The following GRB7 variants were observed in gnomAD, a reference collection of about 807,000 sequenced individuals.
The protein encoded by GRB7 is growth factor receptor bound protein 7.
In GRB7, 47 loss-of-function variants were observed where a neutral mutation model predicts 64.1. That is an observed-to-expected ratio of 0.73 (90% CI 0.58 to 0.94). GRB7 has a LOEUF of 0.94. Among genes scored for constraint, GRB7 ranks in the 40% least tolerant of loss-of-function variants. The probability of loss-of-function intolerance (pLI) is 0.00; values close to 1 mark genes in which losing one functional copy is unlikely to be tolerated. For missense variants in GRB7, 634 were observed against 718.4 expected, an observed-to-expected ratio of 0.88 and a Z score of 1.34; for synonymous variants, 277 against 279.9, an observed-to-expected ratio of 0.99 and a Z score of 0.10.
At chr17:39,743,643 T>C (rs1159521343) in intron 6 of GRB7, 173 bp downstream of exon 6, 1 of 630,324 alleles carries the variant, frequency 1.6e-6, no homozygotes, top group East Asian at 2.7e-5. Flanking sequence ...TTCTATTAAA[T>C]GGGGGCGAGA....
At chr17:39,745,694 C>T (rs547487398) in intron 11 of GRB7, 34 bp from the exon 12 acceptor site, 1 of 1,610,096 alleles carries the variant, frequency 6.2e-7, no homozygotes, top group Admixed American at 1.7e-5. Flanking sequence ...CCCAAGCACG[C>T]CCCGACTCTC....
rs1269623679 is a variant in GRB7 at position 39,742,321 on chromosome 17, C to T, written c.20C>T (p.Pro7Leu). 1 of 1,614,110 alleles carries T rather than the reference C, an allele frequency of 6.2e-7. No individual in the cohort carries two copies. Among genetic ancestry groups the T allele is most frequent in the Admixed American group, 1.7e-5 (1 of 60,024 alleles). ...GACGCCATGGAGCTGGATCTGTCTC[C>T]ACCTCATCTTAGCAGCTCTCCGGAA... The part of the protein sequence containing the change: MELDLS[P>L]PHLSSSPEDL... Residue 7 changes from proline to leucine, a missense_variant, in exon 2 of 15, where the codon CCA becomes CTA. By Grantham distance (98) the Pro-to-Leu change is moderately conservative. Transcript: ENST00000309156.
chr17:39,744,019 G>A (rs778831285), intron 6 of GRB7, 51 bp from the exon 7 acceptor site: 3 of 1,598,094 alleles, frequency 1.9e-6, no homozygotes, highest in South Asian at 1.1e-5. Flanking sequence ...GTGGTAGAGG[G>A]GAAGGGAGGA....
At chr17:39,741,974 CAAAAA>C (rs34685689) in intron 1 of GRB7, among the ~76,000 whole-genome samples, 4 of 108,012 alleles carry the variant, frequency 3.7e-5, no homozygotes, top group Admixed American at 1.0e-4. Flanking sequence ...GACGCCGCTG[CAAAAA>C]AAAAAAAAAA....
chr17:39,739,219 C>T (rs2059975579), intron 1 of GRB7, among the ~76,000 whole-genome samples: 1 of 149,018 alleles, frequency 6.7e-6, no homozygotes, highest in East Asian at 2.0e-4. Flanking sequence ...GTCTTGGACT[C>T]TGCTCTCCCC....
At chr17:39,742,196 A>C (rs1597903701) in intron 1 of GRB7, 56 bp from the exon 2 acceptor site, 5 of 1,277,026 alleles carry the variant, frequency 3.9e-6, no homozygotes, top group Non-Finnish European at 5.7e-6. Context: ...TCTGAGGGGC[A>C]CCCTAACCGC....
rs575248938 is a variant in GRB7, at chr17:39,747,122, C to T, written c.*225C>T. ...CCTCAAGGGAAGGCCTTGGGTGGCCCCCTCTCCTTCTCCTAGCTCTGGAGG... is the reference window on the plus strand; with the variant it reads ...CCTCAAGGGAAGGCCTTGGGTGGCCTCCTCTCCTTCTCCTAGCTCTGGAGG... On this transcript the variant is annotated 3_prime_UTR_variant, in exon 15 of 15. Transcript: ENST00000309156. 5.1e-4 allele frequency: 285 copies of T among 556,246 alleles called. 1 individual carries two copies. Among genetic ancestry groups the T allele is most frequent in the African/African-American group, 5.0e-3 (264 of 52,554 alleles). The allele number at this position is 556,246 out of a possible 1,614,324, so 34.5% of individuals were successfully genotyped here.
In GRB7 at chr17:39,741,987, A is replaced by AAT. The variant is rs2059998244; in HGVS notation, c.-50-264_-50-263insTA. Among the ~76,000 whole-genome samples, 2 of 150,592 alleles carry AAT rather than the reference A, an allele frequency of 1.3e-5. 1 individual carries two copies. Among genetic ancestry groups the AAT allele is most frequent in the South Asian group, 4.2e-4 (2 of 4,748 alleles). On this transcript the variant is annotated intron_variant, in intron 1 of 14. Transcript: ENST00000309156. ...ATGACGCCGCTGCAAAAAAAAAAAA[A>AAT]AAAAAGGAGAAAAAAAACAGAAAGA... is the stretch of plus-strand genomic sequence containing the variant.
At chr17:39,746,024 G>C in intron 13 of GRB7, 24 bp downstream of exon 13, 3 of 1,613,668 alleles carry the variant, frequency 1.9e-6, no homozygotes, top group Non-Finnish European at 2.5e-6. Context: ...CCGGGCAACA[G>C]ACCCAGGGAT....
In GRB7 at chr17:39,744,634, ATGCCCACTGACTTCGGT is replaced by A; in HGVS notation, c.885_901del (p.Met295IlefsTer21). The A allele has an allele frequency of 6.2e-7, 1 of 1,609,664 alleles. No homozygotes were observed. The highest frequency in any genetic ancestry group is 8.5e-7 in the Non-Finnish European group (1 of 1,178,026). ...GACGCAGGGCCGCAAGCTCTACGGG[ATGCCCACTGACTTCGGT>A]TTCTGTGTCAAGGTGAAGACCTGGC... is the stretch of plus-strand genomic sequence containing the variant. On this transcript the variant is annotated frameshift_variant, in exon 8 of 15. Coordinates refer to ENST00000309156, the MANE Select transcript of GRB7 (RefSeq NM_005310.5). LOFTEE classifies it high-confidence loss of function.
chr17:39,739,488 T>C (rs1339510698), intron 1 of GRB7, among the ~76,000 whole-genome samples: 1 of 152,108 alleles, frequency 6.6e-6, no homozygotes, highest in African/African-American at 2.4e-5. Context: ...TATAAGCCTC[T>C]CCCGTGGGGG....
At chr17:39,740,175 T>A in intron 1 of GRB7, 2 of 985,482 alleles carry the variant, frequency 2.0e-6, no homozygotes, top group African/African-American at 3.5e-5. Context: ...ACCGGGGCTG[T>A]TTGGAGGTTA....
In GRB7 at chr17:39,743,057, A is replaced by G. The variant is rs1365875318; in HGVS notation, c.463+3A>G. 1.5e-5 allele frequency: 24 copies of G among 1,601,906 alleles called. No individual in the cohort carries two copies. Among genetic ancestry groups the G allele is most frequent in the Admixed American group, 3.4e-5 (2 of 59,382 alleles). ...GTGCCACCCCCACCTAGCACTGGGT[A>G]AGTCAGGTGCATGGAACTATCCGGG... On this transcript the variant is annotated splice_donor_region_variant and intron_variant, in intron 4 of 14. Transcript: ENST00000309156.
At chr17:39,743,695 C>A in intron 6 of GRB7, 1 of 599,884 alleles carries the variant, frequency 1.7e-6, no homozygotes, top group Non-Finnish European at 3.0e-6. Context: ...TGAGGGTGGG[C>A]TGGGCACGGT....
rs747648942 is a variant in GRB7 at position 39,745,288 on chromosome 17, CA to C, written c.1058del (p.His353LeufsTer12). On this transcript the variant is annotated frameshift_variant, in exon 10 of 15. Coordinates refer to ENST00000309156, the MANE Select transcript of GRB7 (RefSeq NM_005310.5). LOFTEE classifies it high-confidence loss of function. ...GAATTACCAGCAGGCACAGTCTCGCCATCTGCATCCATCTTGTTTGGGCTCC... is the reference window on the plus strand; with the variant it reads ...GAATTACCAGCAGGCACAGTCTCGCCTCTGCATCCATCTTGTTTGGGCTCC... Reference protein sequence around the residue: ...YKNYQQAQSRHLHPSCLGSPP... With the variant: ...YKNYQQAQSRXLHPSCLGSPP... 6.2e-7 allele frequency: 1 copy of C among 1,608,132 alleles called. No individual in the cohort carries two copies. The highest frequency in any genetic ancestry group is 8.5e-7 in the Non-Finnish European group (1 of 1,176,332).
intron 7 of GRB7, 99 bp from the exon 8 acceptor site, chr17:39,744,454 C>A: frequency 1.0e-6 from 1 of 994,118 alleles, no homozygotes; most frequent in Non-Finnish European, 1.5e-6. Flanking sequence ...TATTCCCCTG[C>A]CCCTCTCTGG....
Position 39,744,612 on chromosome 17 carries a change from G to A in GRB7, c.861G>A (p.Thr287=), listed in dbSNP as rs755794524. The A allele has an allele frequency of 1.4e-5, 22 of 1,611,716 alleles. No individual in the cohort carries two copies. Among genetic ancestry groups the A allele is most frequent in the African/African-American group, 6.7e-5 (5 of 74,828 alleles). Residue 287 remains threonine, a synonymous_variant, in exon 8 of 15, where the codon ACG becomes ACA. Coordinates refer to ENST00000309156, the MANE Select transcript of GRB7 (RefSeq NM_005310.5). ...DVNESNVYVV[T]QGRKLYGMPT... ...ACGAGTCCAACGTGTACGTGGTGAC[G>A]CAGGGCCGCAAGCTCTACGGGATGC...
At chr17:39,743,111 T>TA (rs1479600278) in intron 4 of GRB7, 57 bp downstream of exon 4, 6 of 1,601,222 alleles carry the variant, frequency 3.7e-6, no homozygotes, top group Non-Finnish European at 4.3e-6. Context: ...CATCTTGGGC[T>TA]AGGCATGTGG....
intron 14 of GRB7, 98 bp from the exon 15 acceptor site, chr17:39,746,652 AG>A: frequency 7.4e-7 from 1 of 1,351,792 alleles, no homozygotes; most frequent in South Asian, 1.4e-5. Flanking sequence ...AAAAGAAAAA[AG>A]AAAAGAATAA....
Sources: gnomAD v4.1 joint callset for allele counts (sites outside exome capture counted in the v4.1 genomes callset) on GRCh38, gnomAD v4.1.1 for gene constraint, MANE v1.5 for transcripts, NCBI Gene and HGNC (gene_info 2026-07-23, HGNC 2026-07-21) for gene names.